Variants in PHACTR4 observed in about 807,000 individuals in gnomAD.
The protein encoded by PHACTR4 is phosphatase and actin regulator 4, also known as protein phosphatase 1, regulatory subunit 124.
In PHACTR4, 51 loss-of-function variants were observed where a neutral mutation model predicts 72.7. The ratio of observed to expected loss-of-function variants is 0.70; its 90% CI spans 0.56 to 0.89. The LOEUF (loss-of-function observed/expected upper bound fraction) is 0.89. PHACTR4 is among the 40% of genes least tolerant of loss of function. The probability of loss-of-function intolerance (pLI) is 0.00; values close to 1 mark genes in which losing one functional copy is unlikely to be tolerated. For missense variants in PHACTR4, 731 were observed against 861.8 expected (o/e 0.85, Z 1.90); for synonymous variants, 255 against 302.5 (o/e 0.84, Z 1.63).
intron 1 of PHACTR4, among the ~76,000 whole-genome samples, chr1:28,387,587 T>C (rs1265520075): frequency 6.6e-6 from 1 of 151,906 alleles, no homozygotes. Context: ...CTTTGCTGTA[T>C]GTATTAAAGG....
chr1:28,480,238 T>C (rs1286337555), intron 8 of PHACTR4, among the ~76,000 whole-genome samples: 2 of 152,214 alleles, frequency 1.3e-5, no homozygotes, highest in Non-Finnish European at 2.9e-5. Flanking sequence ...AGAGAAAAGA[T>C]ACCTTTTAAC....
intron 2 of PHACTR4, chr1:28,438,065 C>T: frequency 6.5e-6 from 6 of 928,720 alleles, no homozygotes; most frequent in Non-Finnish European, 7.8e-6. Context: ...TTGGGCTATG[C>T]CAGTCAGCAG....
chr1:28,478,229 T>G (rs903633666), intron 8 of PHACTR4, among the ~76,000 whole-genome samples: 2 of 152,180 alleles, frequency 1.3e-5, no homozygotes, highest in African/African-American at 4.8e-5. Flanking sequence ...CATAACAGGA[T>G]TTCTTTCTTT....
In PHACTR4 at chr1:28,491,927, A is replaced by C. The variant is rs1223397960; in HGVS notation, c.2016+140A>C. 5.3e-6 allele frequency: 6 copies of C among 1,132,464 alleles called. No homozygotes were observed. In the Admixed American group the frequency reaches 1.6e-4, roughly 30 times the overall value. 70.2% of individuals were successfully genotyped at this position (1,132,464 alleles called of 1,614,324 possible). A position where few individuals can be genotyped will look rare whatever the true frequency, so the allele number is the denominator to read the frequency against. On this transcript the variant is annotated intron_variant, in intron 12 of 13. Transcript: ENST00000373839. ...AATATTAAATTTCAAATCAAGATAC[A>C]AAATGCCAAGTTGAACAAGTCAAAA...
At chr1:28,398,261 C>T (rs549197507) in intron 1 of PHACTR4, among the ~76,000 whole-genome samples, 1 of 152,242 alleles carries the variant, frequency 6.6e-6, no homozygotes, top group East Asian at 1.9e-4. Flanking sequence ...TGGCTCACGC[C>T]TGTAATCCTG....
intron 10 of PHACTR4, among the ~76,000 whole-genome samples, chr1:28,490,280 A>G (rs1288290598): frequency 6.6e-6 from 1 of 152,288 alleles, no homozygotes; most frequent in Admixed American, 6.5e-5. Context: ...ATTTGGGCCT[A>G]TAAGAAATAT....
At position 28,476,307 on chromosome 1, in the gene PHACTR4, A is replaced by C. The variant is rs1570074451; in HGVS notation, c.1606+16A>C. The stretch of plus-strand genomic sequence containing the variant: ...AGCTATCAGAGTAAGAAAGGGAGGG[A>C]AAAGCAAAACAGAGAATTCTTTTCC... On this transcript the variant is annotated intron_variant, in intron 8 of 13. Transcript: ENST00000373839. 6 of 1,574,504 alleles carry C rather than the reference A, an allele frequency of 3.8e-6. No homozygotes were observed. In the East Asian group the frequency reaches 1.4e-4, roughly 36 times the overall value.
intron 1 of PHACTR4, among the ~76,000 whole-genome samples, chr1:28,399,501 C>G (rs150342485): frequency 6.6e-6 from 1 of 152,114 alleles, no homozygotes; most frequent in South Asian, 2.1e-4. Context: ...GGCTCACATA[C>G]GTCATGGATA....
At chr1:28,453,394 A>G (rs565893758) in intron 2 of PHACTR4, 77 of 238,404 alleles carry the variant, frequency 3.2e-4, no homozygotes, top group African/African-American at 1.6e-3. Context: ...TGACATTATA[A>G]GAAAAAGTTG....
At position 28,496,597 on chromosome 1, in the gene PHACTR4, T is replaced by C; in HGVS notation, c.*48T>C. Reference sequence around the variant, plus strand: ...CAACATGGCTGCTTTGCTGCTTCCTTCTCCAAAGTGACATATGGAGGGAAC... The same window carrying C: ...CAACATGGCTGCTTTGCTGCTTCCTCCTCCAAAGTGACATATGGAGGGAAC... On this transcript the variant is annotated 3_prime_UTR_variant, in exon 14 of 14. Transcript: ENST00000373839. 6.2e-7 allele frequency: 1 copy of C among 1,608,100 alleles called. No individual in the cohort carries two copies. Among genetic ancestry groups the C allele is most frequent in the South Asian group, 1.1e-5 (1 of 90,972 alleles).
intron 2 of PHACTR4, among the ~76,000 whole-genome samples, chr1:28,456,532 C>G (rs924064642): frequency 9.9e-5 from 15 of 152,258 alleles, no homozygotes; most frequent in African/African-American, 3.6e-4. Flanking sequence ...GGCACGATCA[C>G]AGCTCATTGC....
chr1:28,429,987 C>G (rs1410643659), intron 2 of PHACTR4, among the ~76,000 whole-genome samples: 1 of 151,878 alleles, frequency 6.6e-6, no homozygotes, highest in Non-Finnish European at 1.5e-5. Context: ...GTACCTATTT[C>G]TCACTTCTGT....
intron 1 of PHACTR4, among the ~76,000 whole-genome samples, chr1:28,391,693 C>T (rs1430823132): frequency 2.7e-5 from 4 of 148,454 alleles, no homozygotes; most frequent in South Asian, 4.3e-4. Flanking sequence ...GCAACCTCTG[C>T]CTCCCAGGTT....
intron 2 of PHACTR4, among the ~76,000 whole-genome samples, chr1:28,440,521 G>A (rs1247563010): frequency 2.7e-5 from 4 of 145,482 alleles, no homozygotes; most frequent in Non-Finnish European, 4.5e-5. Context: ...TCAGCCTCCC[G>A]AGTAGCTGAA....
In PHACTR4 at chr1:28,458,108, T is replaced by TTGTGTG. The variant is rs539564108; in HGVS notation, c.17-933_17-928dup. Among the ~76,000 whole-genome samples the TTGTGTG allele has an allele frequency of 5.2e-3, 631 of 120,328 alleles. 2 individuals are homozygous for TTGTGTG. Among genetic ancestry groups the TTGTGTG allele is most frequent in the South Asian group, 8.4e-3 (32 of 3,802 alleles). 78.9% of individuals were successfully genotyped at this position (120,328 alleles called of 152,430 possible). A position where few individuals can be genotyped will look rare whatever the true frequency, so the allele number is the denominator to read the frequency against. On this transcript the variant is annotated intron_variant, in intron 2 of 13. Coordinates refer to ENST00000373839, the MANE Select transcript of PHACTR4 (RefSeq NM_001048183.3). ...ATCCTTAATATTATGGTGTGTGTGTTTGTGTGTGTGTGTGTGTGTGTGTGT... is the reference window on the plus strand; with the variant it reads ...ATCCTTAATATTATGGTGTGTGTGTTTGTGTGTGTGTGTGTGTGTGTGTGTGTGTGT...
intron 1 of PHACTR4, among the ~76,000 whole-genome samples, chr1:28,397,531 C>T (rs376527184): frequency 6.6e-6 from 1 of 152,110 alleles, no homozygotes; most frequent in East Asian, 1.9e-4. Context: ...TCTAGCGTTA[C>T]AGCAATTACC....
At chr1:28,423,392 G>C (rs1161537038) in intron 2 of PHACTR4, among the ~76,000 whole-genome samples, 2 of 150,144 alleles carry the variant, frequency 1.3e-5, no homozygotes, top group Non-Finnish European at 2.9e-5. Context: ...CTGGGCAACA[G>C]AGCAAGATCC....
intron 9 of PHACTR4, among the ~76,000 whole-genome samples, chr1:28,484,539 T>TATATATATGTGTGTATGTA (rs1375668075): frequency 4.6e-5 from 7 of 151,632 alleles, no homozygotes; most frequent in African/African-American, 1.5e-4. Context: ...TGTGTATGTG[T>TATATATATGTGTGTATGTA]ATATATATGT....
chr1:28,465,959 T>C, intron 5 of PHACTR4, 110 bp downstream of exon 5: 1 of 1,105,026 alleles, frequency 9.0e-7, no homozygotes. Context: ...AATTACATTC[T>C]CCTTTAACAA....
Sources: gnomAD v4.1 joint callset for allele counts (sites outside exome capture counted in the v4.1 genomes callset) on GRCh38, gnomAD v4.1.1 for gene constraint, MANE v1.5 for transcripts, NCBI Gene and HGNC (gene_info 2026-07-23, HGNC 2026-07-21) for gene names.